Variants in TMC2 observed in about 807,000 individuals in gnomAD.
TMC2 encodes the protein transmembrane channel-like protein 2.
A neutral mutation model predicts 105.9 loss-of-function variants in TMC2; 102 were observed. The observed-to-expected ratio is 0.96, with a 90% confidence interval of 0.82 to 1.14. TMC2 has a LOEUF of 1.14. Among genes scored for constraint, TMC2 ranks in the 50% most tolerant of loss-of-function variants. The probability of loss-of-function intolerance (pLI) is 0.00; values close to 1 mark genes in which losing one functional copy is unlikely to be tolerated. For synonymous variants in TMC2, 402 were observed against 422.8 expected, an observed-to-expected ratio of 0.95 and a Z score of 0.60; for missense variants, 1,093 against 1,134.3, an observed-to-expected ratio of 0.96 and a Z score of 0.52.
chr20:2,617,444 G>A, intron 16 of TMC2, 133 bp downstream of exon 16: 1 of 1,203,958 alleles, frequency 8.3e-7, no homozygotes, highest in South Asian at 1.5e-5. Context: ...AATCACCGAT[G>A]CCATTTAAGA....
intron 4 of TMC2, among the ~76,000 whole-genome samples, chr20:2,564,317 A>C (rs988760753): frequency 6.6e-6 from 1 of 151,758 alleles, no homozygotes; most frequent in African/African-American, 2.4e-5. Flanking sequence ...TGCCCAGCTA[A>C]TTTTCTGTAT....
At chr20:2,600,604 C>T (rs375604402) in intron 10 of TMC2, among the ~76,000 whole-genome samples, 6 of 152,030 alleles carry the variant, frequency 3.9e-5, no homozygotes, top group African/African-American at 1.4e-4. Context: ...GGGCAGATCA[C>T]GAGGTCAAGA....
chr20:2,585,811 G>A (rs1188632275), intron 7 of TMC2, among the ~76,000 whole-genome samples: 1 of 152,206 alleles, frequency 6.6e-6, no homozygotes, highest in African/African-American at 2.4e-5. Flanking sequence ...CTCCCAGAAG[G>A]AGAGAATCCA....
chr20:2,573,649 C>A (rs551880662), intron 5 of TMC2, among the ~76,000 whole-genome samples: 1 of 150,550 alleles, frequency 6.6e-6, no homozygotes, highest in African/African-American at 2.5e-5. Context: ...CGAGCTCTGC[C>A]TCCCGGGTTC....
intron 16 of TMC2, among the ~76,000 whole-genome samples, chr20:2,623,613 T>C (rs975696908): frequency 6.6e-6 from 1 of 151,924 alleles, no homozygotes; most frequent in Non-Finnish European, 1.5e-5. Context: ...ATCAAGGATT[T>C]AAACCAGGAA....
intron 2 of TMC2, among the ~76,000 whole-genome samples, chr20:2,557,564 C>G (rs543589730): frequency 6.6e-6 from 1 of 152,246 alleles, no homozygotes; most frequent in Admixed American, 6.5e-5. Context: ...GAGTCTCGCT[C>G]TTGTCGCTTA....
At chr20:2,619,894 T>G (rs1447671154) in intron 16 of TMC2, among the ~76,000 whole-genome samples, 1 of 152,082 alleles carries the variant, frequency 6.6e-6, no homozygotes, top group South Asian at 2.1e-4. Flanking sequence ...CTCCTACAGT[T>G]GTATGGAAAA....
chr20:2,568,275 G>A (rs1181723709), intron 4 of TMC2, among the ~76,000 whole-genome samples: 1 of 152,118 alleles, frequency 6.6e-6, no homozygotes, highest in Non-Finnish European at 1.5e-5. Context: ...CAATTATAAT[G>A]ACAAGAAACT....
chr20:2,539,714 G>A (rs2122788501), intron 2 of TMC2, among the ~76,000 whole-genome samples: 1 of 152,224 alleles, frequency 6.6e-6, no homozygotes, highest in Non-Finnish European at 1.5e-5. Flanking sequence ...TTGCAACAGG[G>A]GGCTACTGCC....
At chr20:2,598,398 A>ATTTT (rs2146217248) in intron 10 of TMC2, among the ~76,000 whole-genome samples, 1 of 147,544 alleles carries the variant, frequency 6.8e-6, no homozygotes, top group East Asian at 2.0e-4. Flanking sequence ...CCTCTACTTT[A>ATTTT]TTTATTTATT....
rs758107229 is a variant in TMC2 at position 2,602,159 on chromosome 20, A to G, written c.1271A>G (p.His424Arg). 8 of 1,612,800 alleles carry G rather than the reference A, an allele frequency of 5.0e-6. No individual in the cohort carries two copies. In the East Asian group the frequency reaches 1.8e-4, roughly 36 times the overall value. The change falls in exon 11 of 20, where the codon CAT becomes CGT. Residue 424 changes from histidine (H) to arginine (R), a missense_variant. Physicochemically the swap from His to Arg is conservative, Grantham distance 29. Coordinates refer to ENST00000358864, the MANE Select transcript of TMC2 (RefSeq NM_080751.3). ...GAGAGTAACAAAGAAGAAAATATCC[A>G]TCTGACAAGATTTCTTCGTGTCCTG... ...EQESNKEENI[H>R]LTRFLRVLAN...
rs192424385 is a variant in TMC2, at chr20:2,561,711, C to G, written c.402-147C>G. On this transcript the variant is annotated intron_variant, in intron 3 of 19. Coordinates refer to ENST00000358864, the MANE Select transcript of TMC2 (RefSeq NM_080751.3). ...CTGGGCTACAGGGTAGAATTTTGGC[C>G]TCCGCTGCCAGGCAATGGGAGTCAC... The G allele has an allele frequency of 5.5e-5, 57 of 1,028,450 alleles. No individual in the cohort carries two copies. The Middle Eastern group carries it at 2.7e-3, about 48-fold the overall frequency. 63.7% of individuals were successfully genotyped at this position (1,028,450 alleles called of 1,614,324 possible). A position where few individuals can be genotyped will look rare whatever the true frequency, so the allele number is the denominator to read the frequency against.
At chr20:2,604,913 A>G (rs919092380) in intron 11 of TMC2, among the ~76,000 whole-genome samples, 25 of 152,346 alleles carry the variant, frequency 1.6e-4, no homozygotes, top group African/African-American at 5.1e-4. Flanking sequence ...AAATAAACAG[A>G]TAATCTAGTA....
chr20:2,643,149 T>C lies in TMC2; in HGVS notation c.*1798T>C, dbSNP rs1473859930. On this transcript the variant is annotated 3_prime_UTR_variant, in exon 20 of 20. Transcript: ENST00000358864. ...TCTCTCCTGGCAAGGCTAACGAAGATGTTGCAATGCCTGATTTCCATGGAA... is the reference window on the plus strand; with the variant it reads ...TCTCTCCTGGCAAGGCTAACGAAGACGTTGCAATGCCTGATTTCCATGGAA... 6.6e-6 allele frequency among the ~76,000 whole-genome samples: 1 copy of C among 152,174 alleles called. No individual in the cohort carries two copies. Among genetic ancestry groups the C allele is most frequent in the African/African-American group, 2.4e-5 (1 of 41,434 alleles).
chr20:2,573,198 A>C (rs2086115607), intron 5 of TMC2, among the ~76,000 whole-genome samples: 1 of 152,150 alleles, frequency 6.6e-6, no homozygotes, highest in South Asian at 2.1e-4. Flanking sequence ...ATTTTTAAAA[A>C]TCCCTTTGCC....
chr20:2,600,195 C>A (rs904015072), intron 10 of TMC2, among the ~76,000 whole-genome samples: 1 of 152,226 alleles, frequency 6.6e-6, no homozygotes, highest in Non-Finnish European at 1.5e-5. Context: ...AAAATGACTT[C>A]TTTTGTAAGT....
chr20:2,638,289 C>T (rs925107971), intron 19 of TMC2, among the ~76,000 whole-genome samples: 2 of 149,962 alleles, frequency 1.3e-5, no homozygotes, highest in South Asian at 2.1e-4. Context: ...TGCAGTGAGC[C>T]GAGCTTGCAA....
chr20:2,579,001 C>T, intron 5 of TMC2, 145 bp from the exon 6 acceptor site: 1 of 624,438 alleles, frequency 1.6e-6, no homozygotes. Context: ...GGCTCAAGGA[C>T]AGCAGGAGCT....
At chr20:2,564,151 T>TTTC (rs1847119672) in intron 4 of TMC2, among the ~76,000 whole-genome samples, 1 of 21,402 alleles carries the variant, frequency 4.7e-5, no homozygotes, top group Admixed American at 4.1e-4. Context: ...CAGCCTCCTC[T>TTTC]TTTTTTTTTT....
Sources: gnomAD v4.1 joint callset for allele counts (sites outside exome capture counted in the v4.1 genomes callset) on GRCh38, gnomAD v4.1.1 for gene constraint, MANE v1.5 for transcripts, NCBI Gene and HGNC (gene_info 2026-07-23, HGNC 2026-07-21) for gene names.